The following MUTYH variants were observed in gnomAD, a reference collection of about 807,000 sequenced individuals.
The protein encoded by MUTYH is mutY DNA glycosylase, also known as adenine DNA glycosylase.
In MUTYH, 64 loss-of-function variants were observed where a neutral mutation model predicts 72.9. That is an observed-to-expected ratio of 0.88 (90% confidence interval 0.72 to 1.08). MUTYH has a LOEUF of 1.08. Ranked by LOEUF, MUTYH falls within the 50% of genes least tolerant of loss-of-function variation. The probability of loss-of-function intolerance (pLI) is 0.00; values close to 1 mark genes in which losing one functional copy is unlikely to be tolerated. For missense variants in MUTYH, 633 were observed against 671.0 expected (o/e 0.94, Z 0.63); for synonymous variants, 234 against 263.1 (o/e 0.89, Z 1.07).
upstream of MUTYH, chr1:45,340,439 A>G: frequency 2.6e-6 from 4 of 1,513,504 alleles, no homozygotes; most frequent in Non-Finnish European, 2.7e-6. Context: ...CGAGGAGACT[A>G]CAAGTTCCGT....
intron 12 of MUTYH, 38 bp downstream of exon 12, chr1:45,331,623 A>G: frequency 6.2e-7 from 1 of 1,613,110 alleles, no homozygotes; most frequent in Non-Finnish European, 8.5e-7. Context: ...CTCTCTTGTT[A>G]CTCATGCCAC....
rs1216396008 is a variant in MUTYH, at chr1:45,331,718, G to C, written c.1045C>G (p.Leu349Val). 6.2e-7 allele frequency: 1 copy of C among 1,614,156 alleles called. No homozygotes were observed. Among genetic ancestry groups the C allele is most frequent in the Non-Finnish European group, 8.5e-7 (1 of 1,180,036 alleles). The change falls in exon 12 of 16, where the codon CTG (leucine) becomes GTG (valine). Residue 349 changes from leucine to valine, a missense_variant. Leu to Val is a conservative substitution (Grantham distance 32, BLOSUM62 1). Coordinates refer to ENST00000456914, the MANE Select transcript of MUTYH (RefSeq NM_001048174.2). ...GCCCCAAGGGCCCCAGGCTGTTCCA[G>C]AACACAGGTGGCAGAGCTCTCCTCC... ...PREESSATCV[L>V]EQPGALGAQI... is the part of the protein sequence containing the mutation.
chr1:45,334,464 C>A lies in MUTYH; in HGVS notation c.42G>T (p.Lys14Asn), dbSNP rs2149188614. The A allele has an allele frequency of 6.2e-7, 1 of 1,614,152 alleles. No individual in the cohort carries two copies. Among genetic ancestry groups the A allele is most frequent in the Non-Finnish European group, 8.5e-7 (1 of 1,180,010 alleles). The change falls in exon 2 of 16, where the codon AAG becomes AAT. Residue 14 changes from lysine (K) to asparagine (N), a missense_variant. Physicochemically the swap from Lys to Asn is moderately conservative, Grantham distance 94. Transcript: ENST00000456914. ...PRAAVGSGHR[K>N]QAASQEGRQK... ...GCCTCCCTTCCTGGCTGGCTGCCTG[C>A]TTCCTGTGACCACTTCCCACGGCTG...
At chr1:45,336,986 G>A (rs771077068) in intron 1 of MUTYH, among the ~76,000 whole-genome samples, 1 of 152,036 alleles carries the variant, frequency 6.6e-6, no homozygotes, top group Non-Finnish European at 1.5e-5. Context: ...CCCTTGGCTC[G>A]TAACACAATC....
In MUTYH at chr1:45,339,756, T is replaced by C. The variant is rs545047858; in HGVS notation, c.-7+143A>G. The stretch of plus-strand genomic sequence containing the variant: ...AGATCACTGAGCTCTCCATCCTCTC[T>C]GGGAATTTACCGATGCCCAGAACGC... On this transcript the variant is annotated intron_variant, in intron 1 of 15. Transcript: ENST00000456914. 197 of 1,074,534 alleles carry C rather than the reference T, an allele frequency of 1.8e-4. 1 individual carries two copies. In the African/African-American group the frequency reaches 3.1e-3, roughly 17 times the overall value. The allele number at this position is 1,074,534 out of a possible 1,614,324, so 66.6% of individuals were successfully genotyped here.
chr1:45,339,771 G>T (rs1646672181), intron 1 of MUTYH, 128 bp downstream of exon 1: 4 of 1,128,726 alleles, frequency 3.5e-6, no homozygotes, highest in Non-Finnish European at 3.6e-6. Flanking sequence ...ATTTACCGAT[G>T]CCCAGAACGC....
At chr1:45,332,510 G>C (rs942208845) in intron 8 of MUTYH, 22 bp from the exon 9 acceptor site, 2 of 1,613,988 alleles carry the variant, frequency 1.2e-6, no homozygotes, top group African/African-American at 2.7e-5. Context: ...GGGCCAAAGA[G>C]TTAGCCTGGG....
intron 1 of MUTYH, among the ~76,000 whole-genome samples, chr1:45,334,803 C>T (rs1645635352): frequency 6.6e-6 from 1 of 152,138 alleles, no homozygotes; most frequent in South Asian, 2.1e-4. Flanking sequence ...TGTTTGGGAG[C>T]ATTTGTGTAT....
chr1:45,331,939 C>A lies in MUTYH; in HGVS notation c.913+84G>T, dbSNP rs1644963158. ...GGGCTTTGGCCGGGTTCTGCAGAAT[C>A]TTACTCAGGTTAGAGGAAGAACTGG... is the stretch of plus-strand genomic sequence containing the variant. On this transcript the variant is annotated intron_variant, in intron 11 of 15. Transcript: ENST00000456914. 1.9e-6 allele frequency: 3 copies of A among 1,613,084 alleles called. No homozygotes were observed. Among genetic ancestry groups the A allele is most frequent in the Non-Finnish European group, 2.5e-6 (3 of 1,179,316 alleles).
Position 45,331,464 on chromosome 1 carries a change from AACGCTGTAGTTCC to A in MUTYH, c.1182_1194del (p.Gln394HisfsTer26). On this transcript the variant is annotated frameshift_variant, in exon 13 of 16. Transcript: ENST00000456914. LOFTEE classifies it high-confidence loss of function. ...TGCGTGGCTGGGAGGGGCCCAGCCC[AACGCTGTAGTTCC>A]TGCAGCAGGGCCTTGCGCTGAAGCT... 6.2e-7 allele frequency: 1 copy of A among 1,614,210 alleles called. No homozygotes were observed.
chr1:45,332,528 G>C (rs373637101), intron 8 of MUTYH, 40 bp from the exon 9 acceptor site: 75 of 1,613,840 alleles, frequency 4.6e-5, no homozygotes, highest in Middle Eastern at 1.6e-4. Flanking sequence ...GGGCTGGGAG[G>C]AAGGAGGCTG....
At chr1:45,332,731 C>A (rs373519526) in intron 7 of MUTYH, 32 bp downstream of exon 7, 12 of 1,614,048 alleles carry the variant, frequency 7.4e-6, no homozygotes, top group Non-Finnish European at 1.0e-5. Flanking sequence ...ACCCAAGACT[C>A]CTGGGTTCCT....
rs878854190 is a variant in MUTYH at position 45,332,957 on chromosome 1, C to T, written c.381G>A (p.Lys127=). Residue 127 remains lysine (K), a splice_region_variant and synonymous_variant, in exon 6 of 16, where the codon AAG becomes AAA. Coordinates refer to ENST00000456914, the MANE Select transcript of MUTYH (RefSeq NM_001048174.2). ...TGGCCAGGTCCTGCAGTGTAGGCCA[C>T]TTCTATAGCCACAGGCAGGCAGAAA... ...VINYYTGWMQ[K]WPTLQDLASA... 2 of 1,614,132 alleles carry T rather than the reference C, an allele frequency of 1.2e-6. No individual in the cohort carries two copies. Among genetic ancestry groups the T allele is most frequent in the Admixed American group, 1.7e-5 (1 of 60,030 alleles).
At chr1:45,337,849 G>A (rs1167828144) in intron 1 of MUTYH, among the ~76,000 whole-genome samples, 1 of 152,190 alleles carries the variant, frequency 6.6e-6, no homozygotes, top group Non-Finnish European at 1.5e-5. Flanking sequence ...TGCCCTCAGG[G>A]AGCTTATATT....
chr1:45,332,798 A>G lies in MUTYH; in HGVS notation c.457T>C (p.Ser153Pro), dbSNP rs769684812. Residue 153 changes from serine (S) to proline (P), a missense_variant, in exon 7 of 16, where the codon TCT becomes CCT. Physicochemically the swap from Ser to Pro is moderately conservative, Grantham distance 74. Transcript: ENST00000456914. ...CCCTCCTGCAGCCGCCGGCCACGAG[A>G]ATAGTAGCCCAGGCCAGCCCAGAGT... Reference protein sequence around the residue: ...NQLWAGLGYYSRGRRLQEGAR... With the variant: ...NQLWAGLGYYPRGRRLQEGAR... 14 of 1,614,082 alleles carry G rather than the reference A, an allele frequency of 8.7e-6. No individual in the cohort carries two copies. The highest frequency in any genetic ancestry group is 1.1e-5 in the Non-Finnish European group (13 of 1,179,996).
intron 15 of MUTYH, 26 bp downstream of exon 15, chr1:45,330,490 G>C: frequency 6.2e-7 from 1 of 1,603,764 alleles, no homozygotes; most frequent in Non-Finnish European, 8.5e-7. Context: ...GGGGAGACAC[G>C]GTTGGGAGAG....
chr1:45,331,442 G>T lies in MUTYH; in HGVS notation c.1217C>A (p.Thr406Lys), dbSNP rs587780084. The change falls in exon 13 of 16, where the codon ACG becomes AAG. Residue 406 changes from threonine (T) to lysine (K), a missense_variant. Coordinates refer to ENST00000456914, the MANE Select transcript of MUTYH (RefSeq NM_001048174.2). ...LQRWAGPLPA[T>K]HLRHLGEVVH... ...TACCTCCCCAAGGTGCCGGAGGTGC[G>T]TGGCTGGGAGGGGCCCAGCCCAACG... 1 of 1,614,250 alleles carries T rather than the reference G, an allele frequency of 6.2e-7. No individual in the cohort carries two copies. The highest frequency in any genetic ancestry group is 1.7e-5 in the Admixed American group (1 of 60,036).
In MUTYH at chr1:45,330,682, G is replaced by T. The variant is rs3219492; in HGVS notation, c.1393-125C>A. On this transcript the variant is annotated intron_variant, in intron 14 of 15. Coordinates refer to ENST00000456914, the MANE Select transcript of MUTYH (RefSeq NM_001048174.2). ...TATGCTTTTTTGGCCAGGCATGGTG[G>T]CTCACGCCTATAATCCCAGCATTTT... 0.12 allele frequency: 139,064 copies of T among 1,166,500 alleles called. 9,926 individuals are homozygous for T. The highest frequency in any genetic ancestry group is 0.33 in the Admixed American group (16,755 of 50,214). The allele number at this position is 1,166,500 out of a possible 1,614,324, so 72.3% of individuals were successfully genotyped here. A position where few individuals can be genotyped will look rare whatever the true frequency, so the allele number is the denominator to read the frequency against.
At chr1:45,334,112 T>A in intron 2 of MUTYH, 1 of 426,240 alleles carries the variant, frequency 2.3e-6, no homozygotes, top group South Asian at 2.1e-5. Flanking sequence ...GCTCAAGCGA[T>A]CCTGTCACCT....
Sources: gnomAD v4.1 joint callset for allele counts (sites outside exome capture counted in the v4.1 genomes callset) on GRCh38, gnomAD v4.1.1 for gene constraint, MANE v1.5 for transcripts, NCBI Gene and HGNC (gene_info 2026-07-23, HGNC 2026-07-21) for gene names.